The following ROBO1 variants were observed in gnomAD, a reference collection of about 807,000 sequenced individuals.
The protein encoded by ROBO1 is roundabout guidance receptor 1.
Under a neutral mutation model 195.9 loss-of-function variants are expected in ROBO1, and 149 were observed. That is an observed-to-expected ratio of 0.76 (90% CI 0.67 to 0.87). The LOEUF (loss-of-function observed/expected upper bound fraction) is 0.87, where lower values mean the gene tolerates loss of function less well. Ranked by LOEUF, ROBO1 falls within the 40% of genes least tolerant of loss-of-function variation. The pLI, the probability that ROBO1 is intolerant of heterozygous loss-of-function variation, is 0.00. For missense variants in ROBO1, 1,933 were observed against 2,068.3 expected, an observed-to-expected ratio of 0.93 and a Z score of 1.27; for synonymous variants, 816 against 733.2, an observed-to-expected ratio of 1.11 and a Z score of -1.82.
chr3:79,249,198 G>A (rs753083382), intron 2 of ROBO1, among the ~76,000 whole-genome samples: 6 of 152,120 alleles, frequency 3.9e-5, no homozygotes, highest in Non-Finnish European at 5.9e-5. Context: ...TGACCAATAC[G>A]TGTAACCTTG....
At chr3:79,103,987 T>C (rs757606999) in intron 3 of ROBO1, among the ~76,000 whole-genome samples, 15 of 151,724 alleles carry the variant, frequency 9.9e-5, no homozygotes, top group Non-Finnish European at 1.9e-4. Context: ...AGGAGGAATA[T>C]GGCCCGAACC....
intron 2 of ROBO1, among the ~76,000 whole-genome samples, chr3:79,474,913 A>C (rs1938470702): frequency 6.6e-6 from 1 of 152,030 alleles, no homozygotes; most frequent in Non-Finnish European, 1.5e-5. Context: ...GTTTTTTGTT[A>C]ATTTCTGTTC....
At chr3:79,195,357 G>C (rs1453757015) in intron 2 of ROBO1, among the ~76,000 whole-genome samples, 1 of 151,562 alleles carries the variant, frequency 6.6e-6, no homozygotes, top group Non-Finnish European at 1.5e-5. Context: ...GTCTAAAATT[G>C]CAGAGTGATA....
chr3:79,402,948 G>A (rs555817233), intron 2 of ROBO1, among the ~76,000 whole-genome samples: 48 of 151,740 alleles, frequency 3.2e-4, no homozygotes, highest in Admixed American at 1.6e-3. Flanking sequence ...GGAACTCATC[G>A]TCTTCTTCCC....
chr3:79,763,342 CA>C (rs1228932790), intron 1 of ROBO1, among the ~76,000 whole-genome samples: 2 of 151,950 alleles, frequency 1.3e-5, no homozygotes, highest in African/African-American at 4.8e-5. Context: ...GGTAAAGGCT[CA>C]AAAAATGTTA....
At chr3:79,561,276 T>G (rs561278040) in intron 2 of ROBO1, among the ~76,000 whole-genome samples, 1 of 152,292 alleles carries the variant, frequency 6.6e-6, no homozygotes, top group African/African-American at 2.4e-5. Flanking sequence ...TTCAGAGTAT[T>G]AAAGGGAAAT....
intron 1 of ROBO1, among the ~76,000 whole-genome samples, chr3:79,602,453 G>A (rs1394018468): frequency 6.6e-6 from 1 of 151,928 alleles, no homozygotes. Context: ...AATGTCCTCA[G>A]CAGGACCAGA....
intron 8 of ROBO1, among the ~76,000 whole-genome samples, chr3:78,709,506 A>C (rs1288921567): frequency 2.0e-5 from 3 of 152,212 alleles, no homozygotes; most frequent in African/African-American, 7.2e-5. Flanking sequence ...AAGTAAAATA[A>C]AACCTGCATT....
At chr3:79,156,269 A>G (rs986561946) in intron 2 of ROBO1, among the ~76,000 whole-genome samples, 2 of 151,462 alleles carry the variant, frequency 1.3e-5, no homozygotes, top group Non-Finnish European at 3.0e-5. Flanking sequence ...ATGACACACT[A>G]GATCAGAAGG....
At chr3:78,679,397 C>G (rs1476379608) in intron 10 of ROBO1, among the ~76,000 whole-genome samples, 8 of 152,296 alleles carry the variant, frequency 5.3e-5, no homozygotes, top group African/African-American at 1.9e-4. Flanking sequence ...TCCCTGTTTG[C>G]AGATGACATG....
At chr3:79,727,646 A>C (rs1267263941) in intron 1 of ROBO1, among the ~76,000 whole-genome samples, 1 of 152,180 alleles carries the variant, frequency 6.6e-6, no homozygotes, top group Non-Finnish European at 1.5e-5. Context: ...ACAAACAGGT[A>C]AAAAGATTTT....
chr3:79,309,174 A>T (rs1413253885), intron 2 of ROBO1, among the ~76,000 whole-genome samples: 1 of 152,198 alleles, frequency 6.6e-6, no homozygotes, highest in Non-Finnish European at 1.5e-5. Context: ...ATGTGTCTGT[A>T]TGTGTGCCAG....
intron 8 of ROBO1, among the ~76,000 whole-genome samples, chr3:78,701,824 T>C (rs1349408948): frequency 6.6e-6 from 1 of 152,180 alleles, no homozygotes; most frequent in Non-Finnish European, 1.5e-5. Flanking sequence ...TAACAACCAT[T>C]TATGGATTTT....
chr3:79,684,688 T>A (rs965224132), intron 1 of ROBO1, among the ~76,000 whole-genome samples: 5 of 152,056 alleles, frequency 3.3e-5, no homozygotes, highest in Non-Finnish European at 5.9e-5. Flanking sequence ...ATGGTGATGA[T>A]GATTTGAGAT....
At chr3:79,419,520 G>C (rs573033205) in intron 2 of ROBO1, among the ~76,000 whole-genome samples, 1 of 152,202 alleles carries the variant, frequency 6.6e-6, no homozygotes, top group African/African-American at 2.4e-5. Context: ...ACCACTCTCA[G>C]GATCGCTCCC....
intron 1 of ROBO1, among the ~76,000 whole-genome samples, chr3:79,763,639 A>G (rs9830356): frequency 0.99 from 151,224 of 152,282 alleles, 75,098 homozygotes; most frequent in Middle Eastern, 1. Flanking sequence ...CTGGCTACAT[A>G]TGCACAAATT....
At chr3:78,818,718 GT>G (rs1438361850) in intron 4 of ROBO1, among the ~76,000 whole-genome samples, 2 of 152,176 alleles carry the variant, frequency 1.3e-5, no homozygotes, top group African/African-American at 2.4e-5. Context: ...TGGAGCATTT[GT>G]TTGCAAGTTC....
At chr3:79,711,938 A>AGCACTATGAACGGGGGGGGGGGT in intron 1 of ROBO1, among the ~76,000 whole-genome samples, 1 of 147,536 alleles carries the variant, frequency 6.8e-6, no homozygotes, top group Admixed American at 6.8e-5. Context: ...TGGGTGGGGG[A>AGCACTATGAACGGGGGGGGGGGT]GCACTATGAA....
At chr3:79,365,620 G>A (rs1039745713) in intron 2 of ROBO1, among the ~76,000 whole-genome samples, 1 of 152,078 alleles carries the variant, frequency 6.6e-6, no homozygotes, top group Non-Finnish European at 1.5e-5. Flanking sequence ...TCCCAGGGCC[G>A]GGCACGGTGG....
Sources: gnomAD v4.1 joint callset for allele counts (sites outside exome capture counted in the v4.1 genomes callset) on GRCh38, gnomAD v4.1.1 for gene constraint, MANE v1.5 for transcripts, NCBI Gene and HGNC (gene_info 2026-07-23, HGNC 2026-07-21) for gene names.